ATP2B2: variants seen among roughly 807,000 people sequenced by gnomAD.
ATP2B2 encodes the protein ATPase plasma membrane Ca2+ transporting 2.
In ATP2B2, 15 loss-of-function variants were observed where a neutral mutation model predicts 120.0. The observed-to-expected ratio is 0.12, with a 90% confidence interval of 0.08 to 0.19. The LOEUF is 0.19. Among genes scored for constraint, ATP2B2 ranks in the 10% least tolerant of loss-of-function variants. ATP2B2 has a pLI of 1.00. For missense variants in ATP2B2, 1,045 were observed against 1,719.8 expected, an observed-to-expected ratio of 0.61 and a Z score of 6.94; for synonymous variants, 694 against 700.3, an observed-to-expected ratio of 0.99 and a Z score of 0.14.
At chr3:10,562,805 TTAAA>T (rs1246317601) in intron 2 of ATP2B2, among the ~76,000 whole-genome samples, 1 of 152,250 alleles carries the variant, frequency 6.6e-6, no homozygotes, top group Non-Finnish European at 1.5e-5. Context: ...TGGGGATTCG[TTAAA>T]TAAATTATGG....
At chr3:10,420,510 T>A (rs2062939770) in intron 2 of ATP2B2, among the ~76,000 whole-genome samples, 1 of 152,170 alleles carries the variant, frequency 6.6e-6, no homozygotes, top group Admixed American at 6.5e-5. Flanking sequence ...TACAGGTGCC[T>A]GCCACCATGC....
At position 10,345,624 on chromosome 3, in the gene ATP2B2, C is replaced by A. The variant is rs757238112; in HGVS notation, c.2512-49G>T. The A allele has an allele frequency of 5.1e-6, 8 of 1,564,880 alleles. No individual in the cohort carries two copies. The South Asian group carries it at 6.8e-5, about 13-fold the overall frequency. ...TGGGTGGGGTGGCCGGGGGAGGTGA[C>A]CACTTCTAGCATCACCATCCTCACT... On this transcript the variant is annotated intron_variant, in intron 17 of 22. Transcript: ENST00000360273.
At chr3:10,365,550 G>C (rs1465104142) in intron 12 of ATP2B2, among the ~76,000 whole-genome samples, 1 of 152,120 alleles carries the variant, frequency 6.6e-6, no homozygotes, top group Non-Finnish European at 1.5e-5. Context: ...CACTCCGGGA[G>C]AGTAGACCCC....
chr3:10,357,405 C>T (rs2060768173), intron 14 of ATP2B2, among the ~76,000 whole-genome samples: 1 of 152,190 alleles, frequency 6.6e-6, no homozygotes. Context: ...GAACCCTCTC[C>T]CTGCTGCCTA....
intron 2 of ATP2B2, among the ~76,000 whole-genome samples, chr3:10,547,143 C>T (rs1004346135): frequency 2.0e-5 from 3 of 151,818 alleles, no homozygotes; most frequent in African/African-American, 4.8e-5. Flanking sequence ...GAGAGCAGCT[C>T]GGGTCAAGGG....
At chr3:10,638,084 C>T (rs968456401) in intron 1 of ATP2B2, among the ~76,000 whole-genome samples, 2 of 151,928 alleles carry the variant, frequency 1.3e-5, no homozygotes, top group African/African-American at 4.8e-5. Context: ...CATTTTTAGA[C>T]ATAAAAAGCT....
intron 1 of ATP2B2, among the ~76,000 whole-genome samples, chr3:10,683,738 GTGTATATATA>G (rs1481955975): frequency 2.6e-5 from 3 of 113,538 alleles, no homozygotes; most frequent in Non-Finnish European, 5.4e-5. Context: ...GTATATATAT[GTGTATATATA>G]TGTGTGTGTG....
At chr3:10,612,190 T>C (rs902693846) in intron 2 of ATP2B2, among the ~76,000 whole-genome samples, 2 of 152,120 alleles carry the variant, frequency 1.3e-5, no homozygotes, top group Non-Finnish European at 2.9e-5. Context: ...GCTCCCACTT[T>C]AACCCCTCCC....
intron 2 of ATP2B2, among the ~76,000 whole-genome samples, chr3:10,556,543 G>A (rs1310006121): frequency 2.6e-5 from 4 of 152,324 alleles, no homozygotes; most frequent in African/African-American, 9.6e-5. Flanking sequence ...CTCTGAGGAC[G>A]CGGCCTTAAG....
intron 2 of ATP2B2, among the ~76,000 whole-genome samples, chr3:10,619,632 G>C (rs1041380118): frequency 6.6e-6 from 1 of 152,174 alleles, no homozygotes; most frequent in Non-Finnish European, 1.5e-5. Flanking sequence ...GGCGGTCACC[G>C]GCTGGAAATA....
At chr3:10,655,664 T>TA (rs2125672510) in intron 1 of ATP2B2, among the ~76,000 whole-genome samples, 1 of 152,296 alleles carries the variant, frequency 6.6e-6, no homozygotes, top group South Asian at 2.1e-4. Context: ...TCCCTGGACT[T>TA]ACGTGGAGTC....
chr3:10,507,364 C>T (rs2066662934), upstream of ATP2B2, among the ~76,000 whole-genome samples: 1 of 152,100 alleles, frequency 6.6e-6, no homozygotes, highest in African/African-American at 2.4e-5. Context: ...TTCCACTGGC[C>T]ACCCCTCTAG....
chr3:10,541,267 C>G (rs1472319233), intron 2 of ATP2B2, among the ~76,000 whole-genome samples: 2 of 152,020 alleles, frequency 1.3e-5, no homozygotes, highest in Non-Finnish European at 2.9e-5. Flanking sequence ...TCAACTTTAT[C>G]GATTTCTACT....
chr3:10,392,185 C>G (rs2061875570), intron 5 of ATP2B2, among the ~76,000 whole-genome samples: 1 of 152,182 alleles, frequency 6.6e-6, no homozygotes, highest in South Asian at 2.1e-4. Context: ...CCCGCACAGC[C>G]TGGTTTGGAG....
At chr3:10,701,071 C>G (rs146537288) in intron 1 of ATP2B2, among the ~76,000 whole-genome samples, 45 of 152,272 alleles carry the variant, frequency 3.0e-4, no homozygotes, top group African/African-American at 1.1e-3. Flanking sequence ...GCACGAATGA[C>G]TAACCAAACC....
intron 1 of ATP2B2, among the ~76,000 whole-genome samples, chr3:10,460,800 G>C (rs1164768011): frequency 6.6e-6 from 1 of 152,142 alleles, no homozygotes; most frequent in Non-Finnish European, 1.5e-5. Context: ...CTTTTGTACT[G>C]TGCGTGGTCC....
chr3:10,325,778 G>A lies in ATP2B2; in HGVS notation c.*3036C>T, dbSNP rs904174561. 1 of 152,200 alleles carries A rather than the reference G, an allele frequency of 6.6e-6. No individual in the cohort carries two copies. Among genetic ancestry groups the A allele is most frequent in the South Asian group, 2.1e-4 (1 of 4,834 alleles). 9.4% of individuals were successfully genotyped at this position (152,200 alleles called of 1,614,324 possible). On this transcript the variant is annotated 3_prime_UTR_variant, in exon 23 of 23. Transcript: ENST00000360273. Reference sequence around the variant, plus strand: ...TGATTCTGCAGCGCCAGGAGTCACTGAACGGGCTCCCTGCCCTTCCCTCAT... The same window carrying A: ...TGATTCTGCAGCGCCAGGAGTCACTAAACGGGCTCCCTGCCCTTCCCTCAT...
intron 8 of ATP2B2, among the ~76,000 whole-genome samples, chr3:10,380,277 C>T (rs1052612508): frequency 3.3e-5 from 5 of 152,238 alleles, no homozygotes; most frequent in Non-Finnish European, 5.9e-5. Context: ...CACCTGCCTT[C>T]GCCAGCACCC....
In ATP2B2 at chr3:10,487,810, C is replaced by T. The variant is rs565301955; in HGVS notation, c.-320+17655G>A. Among the ~76,000 whole-genome samples, 9 of 152,334 alleles carry T rather than the reference C, an allele frequency of 5.9e-5. No homozygotes were observed. The East Asian group carries it at 1.7e-3, about 29-fold the overall frequency. ...CTGAAAGTGCCTCCAACAGTACTCG[C>T]ATCCTGTCATGTCCCTGTACAATAA... On this transcript the variant is annotated intron_variant, in intron 1 of 22. Transcript: ENST00000360273.
Sources: allele counts gnomAD v4.1 joint callset (sites outside exome capture counted in the v4.1 genomes callset), GRCh38; gene constraint gnomAD v4.1.1; transcripts MANE v1.5; gene names NCBI Gene and HGNC (gene_info 2026-07-23, HGNC 2026-07-21).